The following VPS13B variants were observed in gnomAD, a reference collection of about 807,000 sequenced individuals.
VPS13B encodes the protein intermembrane lipid transfer protein VPS13B.
Under a neutral mutation model 426.4 loss-of-function variants are expected in VPS13B, and 285 were observed. The ratio of observed to expected loss-of-function variants is 0.67; its 90% CI spans 0.61 to 0.74. The LOEUF (loss-of-function observed/expected upper bound fraction) is 0.74. Among genes scored for constraint, VPS13B ranks in the 30% least tolerant of loss-of-function variants. The probability of loss-of-function intolerance (pLI) is 0.00; values close to 1 mark genes in which losing one functional copy is unlikely to be tolerated. For synonymous variants in VPS13B, 1,676 were observed against 1,676.4 expected (o/e 1.00, Z 0.01); for missense variants, 4,537 against 4,782.6 (o/e 0.95, Z 1.51).
chr8:99,727,515 C>T (rs1034208878), intron 39 of VPS13B, among the ~76,000 whole-genome samples: 8 of 152,112 alleles, frequency 5.3e-5, no homozygotes, highest in African/African-American at 1.7e-4. Context: ...TGGCAGAAGA[C>T]AAAAAGGAGC....
At chr8:99,778,185 T>G (rs1811834551) in intron 41 of VPS13B, among the ~76,000 whole-genome samples, 1 of 142,936 alleles carries the variant, frequency 7.0e-6, no homozygotes, top group South Asian at 2.2e-4. Flanking sequence ...TGAGCCAAGA[T>G]CACACCACTG....
intron 43 of VPS13B, among the ~76,000 whole-genome samples, chr8:99,794,752 C>G (rs1563920441): frequency 1.3e-5 from 2 of 152,158 alleles, no homozygotes; most frequent in African/African-American, 4.8e-5. Context: ...TTGTAGGTCT[C>G]TTTTTATTCT....
rs1227723889 is a variant in VPS13B at position 99,842,640 on chromosome 8, C to G, written c.9943-6136C>G. On this transcript the variant is annotated intron_variant, in intron 54 of 61. Transcript: ENST00000357162. Reference sequence around the variant, plus strand: ...ATTTTTTAAAAAAACAAAAAACTTCCCACTATTTTCTTTGTCACCTTGTAA... The same window carrying G: ...ATTTTTTAAAAAAACAAAAAACTTCGCACTATTTTCTTTGTCACCTTGTAA... 2.6e-5 allele frequency among the ~76,000 whole-genome samples: 4 copies of G among 151,988 alleles called. No homozygotes were observed. In the East Asian group the frequency reaches 7.7e-4, roughly 29 times the overall value.
At chr8:99,854,340 C>A in intron 56 of VPS13B, 84 bp downstream of exon 56, 1 of 1,473,000 alleles carries the variant, frequency 6.8e-7, no homozygotes, top group African/African-American at 1.4e-5. Flanking sequence ...ATTTCAAGAC[C>A]TAAAGAAGCA....
chr8:99,368,621 C>G (rs1166731023), intron 19 of VPS13B, among the ~76,000 whole-genome samples: 2 of 152,130 alleles, frequency 1.3e-5, no homozygotes, highest in Admixed American at 6.5e-5. Flanking sequence ...CTTTTACTAT[C>G]TCAGGTCATG....
chr8:99,073,742 TTTTCTTTCTTTTATTTTTTG>T (rs1844961414), intron 3 of VPS13B, among the ~76,000 whole-genome samples: 1 of 150,102 alleles, frequency 6.7e-6, no homozygotes, highest in Non-Finnish European at 1.5e-5. Context: ...CAGGACTTTC[TTTTCTTTCTTTTATTTTTTG>T]TTTCTTTCTT....
At position 99,582,001 on chromosome 8, in the gene VPS13B, C is replaced by T. The variant is rs565052587; in HGVS notation, c.5220+4368C>T. Among the ~76,000 whole-genome samples the T allele has an allele frequency of 3.3e-5, 5 of 151,940 alleles. No homozygotes were observed. In the South Asian group the frequency reaches 1.0e-3, roughly 32 times the overall value. The stretch of plus-strand genomic sequence containing the variant: ...CTTGCCTTTTACATGAGGTGAGAGT[C>T]AACCTTTTGGATACCTTAACAGCCA... On this transcript the variant is annotated intron_variant, in intron 33 of 61. Coordinates refer to ENST00000357162, the MANE Select transcript of VPS13B (RefSeq NM_152564.5).
At chr8:99,089,514 A>C (rs562891085) in intron 3 of VPS13B, among the ~76,000 whole-genome samples, 2 of 152,296 alleles carry the variant, frequency 1.3e-5, no homozygotes, top group African/African-American at 4.8e-5. Context: ...TGGTCTGGAA[A>C]AGCAGGACAA....
At chr8:99,747,997 T>A (rs1275937472) in intron 39 of VPS13B, among the ~76,000 whole-genome samples, 1 of 152,072 alleles carries the variant, frequency 6.6e-6, no homozygotes, top group Non-Finnish European at 1.5e-5. Flanking sequence ...CGTTTATCCA[T>A]CCATACAATT....
chr8:99,034,103 T>C (rs534777712), intron 2 of VPS13B, among the ~76,000 whole-genome samples: 1 of 152,326 alleles, frequency 6.6e-6, no homozygotes, highest in South Asian at 2.1e-4. Context: ...TTGCAGCAGC[T>C]TTGGATTTTG....
chr8:99,618,317 C>T (rs1309198369), intron 33 of VPS13B, among the ~76,000 whole-genome samples: 1 of 149,998 alleles, frequency 6.7e-6, no homozygotes, highest in East Asian at 1.9e-4. Flanking sequence ...TCAATTGTTT[C>T]TCAGAGCAAT....
intron 34 of VPS13B, among the ~76,000 whole-genome samples, chr8:99,649,191 A>G (rs751294233): frequency 6.6e-6 from 1 of 151,894 alleles, no homozygotes; most frequent in Non-Finnish European, 1.5e-5. Flanking sequence ...GTGTGTCTGG[A>G]CTTGGTTTCT....
At chr8:99,116,349 A>G (rs1440461973) in intron 7 of VPS13B, among the ~76,000 whole-genome samples, 1 of 151,702 alleles carries the variant, frequency 6.6e-6, no homozygotes, top group East Asian at 1.9e-4. Flanking sequence ...CTTTAATTTT[A>G]TCTACATGCT....
At chr8:99,744,413 G>A (rs956826318) in intron 39 of VPS13B, among the ~76,000 whole-genome samples, 9 of 152,120 alleles carry the variant, frequency 5.9e-5, no homozygotes, top group African/African-American at 1.7e-4. Context: ...TCAATGTGGC[G>A]ATTCCTCAGG....
intron 3 of VPS13B, among the ~76,000 whole-genome samples, chr8:99,043,428 CTCTT>C (rs1428005639): frequency 6.6e-6 from 1 of 152,082 alleles, no homozygotes; most frequent in Non-Finnish European, 1.5e-5. Flanking sequence ...TATCACCTCT[CTCTT>C]AGCTTGGCTG....
At chr8:99,155,279 A>G (rs1811297938) in intron 14 of VPS13B, among the ~76,000 whole-genome samples, 1 of 152,234 alleles carries the variant, frequency 6.6e-6, no homozygotes. Context: ...GTGAACTGAA[A>G]GAAAGAACAA....
chr8:99,094,899 G>T (rs906588798), intron 3 of VPS13B, among the ~76,000 whole-genome samples: 1 of 152,068 alleles, frequency 6.6e-6, no homozygotes, highest in African/African-American at 2.4e-5. Flanking sequence ...GCTACCCTTT[G>T]TGTTGGTATC....
At chr8:99,840,205 G>C (rs1397847635) in intron 54 of VPS13B, among the ~76,000 whole-genome samples, 2 of 152,222 alleles carry the variant, frequency 1.3e-5, no homozygotes, top group Admixed American at 6.5e-5. Context: ...GTAAAAGATA[G>C]AGTTAGCTTT....
In VPS13B at chr8:99,832,475, G is replaced by A. The variant is rs1204994094; in HGVS notation, c.9437G>A (p.Ser3146Asn). 1.9e-6 allele frequency: 3 copies of A among 1,611,686 alleles called. No homozygotes were observed. The African/African-American group carries it at 4.0e-5, about 22-fold the overall frequency. Residue 3146 changes from serine (S) to asparagine (N), a missense_variant, in exon 52 of 62, where the codon AGT becomes AAT. Physicochemically the swap from Ser to Asn is conservative, Grantham distance 46. This residue lies in a region of VPS13B where 4,311 missense variants were observed against 4,474.3 expected (regional missense o/e 0.96). Coordinates refer to ENST00000357162, the MANE Select transcript of VPS13B (RefSeq NM_152564.5). The stretch of plus-strand genomic sequence containing the variant: ...TGCTGGGACTTGATGCCTGACATCA[G>A]TCAGTCAGTACTGGATGCATCCCTG... ...LPCWDLMPDI[S>N]QSVLDASLLQ...
Sources: allele counts gnomAD v4.1 joint callset (sites outside exome capture counted in the v4.1 genomes callset), GRCh38; gene constraint gnomAD v4.1.1; regional missense constraint gnomAD v4.1.1; transcripts MANE v1.5; gene names NCBI Gene and HGNC (gene_info 2026-07-23, HGNC 2026-07-21).